SNTG2: variants seen among roughly 807,000 people sequenced by gnomAD.
SNTG2 encodes syntrophin gamma 2, also known as gamma-2-syntrophin.
Under a neutral mutation model 70.9 loss-of-function variants are expected in SNTG2, and 74 were observed. The ratio of observed to expected loss-of-function variants is 1.04; its 90% CI spans 0.86 to 1.27. The LOEUF (loss-of-function observed/expected upper bound fraction) is 1.27. Among genes scored for constraint, SNTG2 ranks in the 50% most tolerant of loss-of-function variants. SNTG2 has a pLI of 0.00. For missense variants in SNTG2, 717 were observed against 690.7 expected, an observed-to-expected ratio of 1.04 and a Z score of -0.43; for synonymous variants, 278 against 273.8, an observed-to-expected ratio of 1.02 and a Z score of -0.15.
At chr2:1,070,363 T>C (rs548118875) in intron 1 of SNTG2, among the ~76,000 whole-genome samples, 2 of 152,264 alleles carry the variant, frequency 1.3e-5, no homozygotes, top group East Asian at 3.9e-4. Flanking sequence ...CTGTGGAACT[T>C]CTCGAAGCTT....
intron 8 of SNTG2, among the ~76,000 whole-genome samples, chr2:1,196,010 G>A (rs1386759725): frequency 2.0e-5 from 3 of 152,052 alleles, no homozygotes; most frequent in Non-Finnish European, 4.4e-5. Flanking sequence ...TTTGAGTTTG[G>A]AATCTTTTTT....
At chr2:1,099,546 C>T (rs1311762559) in intron 4 of SNTG2, among the ~76,000 whole-genome samples, 1 of 50,672 alleles carries the variant, frequency 2.0e-5, no homozygotes, top group Non-Finnish European at 3.9e-5. Flanking sequence ...CTGGAGGTCC[C>T]AGGCTGGGGA....
At chr2:1,249,833 G>A (rs558658707) in intron 12 of SNTG2, among the ~76,000 whole-genome samples, 1 of 152,266 alleles carries the variant, frequency 6.6e-6, no homozygotes, top group Non-Finnish European at 1.5e-5. Context: ...GTTTTGTTTT[G>A]TTAAAATGCA....
At chr2:1,028,326 A>C (rs189356031) in intron 1 of SNTG2, among the ~76,000 whole-genome samples, 12 of 151,716 alleles carry the variant, frequency 7.9e-5, no homozygotes, top group Admixed American at 5.2e-4. Flanking sequence ...TTGAAGGTGC[A>C]TCTGACCCAC....
chr2:981,492 CAT>C (rs1241581321), intron 1 of SNTG2, among the ~76,000 whole-genome samples: 5 of 150,474 alleles, frequency 3.3e-5, no homozygotes, highest in South Asian at 4.2e-4. Context: ...CATGAGTGCA[CAT>C]GTGTCCTACA....
intron 8 of SNTG2, among the ~76,000 whole-genome samples, chr2:1,192,445 A>T (rs1195420134): frequency 2.0e-5 from 3 of 152,190 alleles, no homozygotes; most frequent in Non-Finnish European, 4.4e-5. Flanking sequence ...AGAATAGGAA[A>T]ATAACTATGT....
rs1160333340 is a variant in SNTG2, at chr2:1,136,223, TAATC to T, written c.326-1395_326-1392del. 4.0e-5 allele frequency among the ~76,000 whole-genome samples: 6 copies of T among 151,888 alleles called. No individual in the cohort carries two copies. In the South Asian group the frequency reaches 1.3e-3, roughly 32 times the overall value. The stretch of plus-strand genomic sequence containing the variant: ...CGGCTTGAGAGTCCATTATTCCAGA[TAATC>T]AATACATGTTTTCAGGATGCAGCCT... On this transcript the variant is annotated intron_variant, in intron 4 of 16. Coordinates refer to ENST00000308624, the MANE Select transcript of SNTG2 (RefSeq NM_018968.4).
intron 8 of SNTG2, among the ~76,000 whole-genome samples, chr2:1,194,321 T>C (rs75167830): frequency 0.024 from 3,640 of 152,290 alleles, 152 homozygotes; most frequent in African/African-American, 0.081. Flanking sequence ...GTTTTCCAGG[T>C]GTAGTTTACA....
rs112965571 is a variant in SNTG2, at chr2:1,365,613, G to A, written c.1489-1730G>A. On this transcript the variant is annotated intron_variant, in intron 16 of 16. Coordinates refer to ENST00000308624, the MANE Select transcript of SNTG2 (RefSeq NM_018968.4). Reference sequence around the variant, plus strand: ...TCTCCACTTGGCATTAGTGGTATTAGAACAAGCTTCAGGTATTCACTTCTC... The same window carrying A: ...TCTCCACTTGGCATTAGTGGTATTAAAACAAGCTTCAGGTATTCACTTCTC... Among the ~76,000 whole-genome samples the A allele has an allele frequency of 8.0e-3, 1,224 of 152,174 alleles. 14 individuals are homozygous for A. The highest frequency in any genetic ancestry group is 0.028 in the African/African-American group (1,160 of 41,524).
At chr2:1,308,465 GTT>G (rs1680813468) in intron 14 of SNTG2, 27 bp from the exon 15 acceptor site, 1 of 1,538,784 alleles carries the variant, frequency 6.5e-7, no homozygotes, top group African/African-American at 1.4e-5. Flanking sequence ...ATTAAAGAAT[GTT>G]TTCTCAAAAT....
intron 16 of SNTG2, among the ~76,000 whole-genome samples, chr2:1,332,136 C>A (rs1203100663): frequency 6.6e-6 from 1 of 152,194 alleles, no homozygotes; most frequent in Non-Finnish European, 1.5e-5. Flanking sequence ...ATTTGGTAAA[C>A]ATATGTCAAA....
chr2:1,289,878 C>T (rs1487921266), intron 14 of SNTG2, among the ~76,000 whole-genome samples: 3 of 152,208 alleles, frequency 2.0e-5, no homozygotes, highest in African/African-American at 7.2e-5. Context: ...TATGAGCAGA[C>T]TCGTGCAGTG....
Position 1,264,994 on chromosome 2 carries a change from A to G in SNTG2, c.1078-2371A>G, listed in dbSNP as rs116312007. Among the ~76,000 whole-genome samples, 324 of 152,344 alleles carry G rather than the reference A, an allele frequency of 2.1e-3. 1 individual carries two copies. Among genetic ancestry groups the G allele is most frequent in the African/African-American group, 7.5e-3 (313 of 41,574 alleles). The stretch of plus-strand genomic sequence containing the variant: ...TAGTAGTTAAGTTTTAGGGGAGTCA[A>G]AAGTTATGCATGAATCTTCAACTGC... On this transcript the variant is annotated intron_variant, in intron 13 of 16. Transcript: ENST00000308624.
intron 1 of SNTG2, among the ~76,000 whole-genome samples, chr2:1,022,073 G>A (rs1490421927): frequency 6.6e-6 from 1 of 151,768 alleles, no homozygotes; most frequent in African/African-American, 2.4e-5. Flanking sequence ...AGCCACTGTG[G>A]AGAAGAGTAT....
intron 1 of SNTG2, among the ~76,000 whole-genome samples, chr2:1,081,206 G>T (rs930873560): frequency 2.0e-5 from 3 of 152,222 alleles, no homozygotes; most frequent in African/African-American, 7.2e-5. Context: ...TGGCGGAGCT[G>T]GCCTTGCCTC....
At position 1,154,914 on chromosome 2, in the gene SNTG2, C is replaced by T. The variant is rs1338017074; in HGVS notation, c.412-10634C>T. On this transcript the variant is annotated intron_variant, in intron 6 of 16. Coordinates refer to ENST00000308624, the MANE Select transcript of SNTG2 (RefSeq NM_018968.4). ...CACAAAGACACATACCACATACACA[C>T]ACACAACACAAAAACATACACACCA... Among the ~76,000 whole-genome samples, 4 of 149,556 alleles carry T rather than the reference C, an allele frequency of 2.7e-5. No individual in the cohort carries two copies. In the South Asian group the frequency reaches 6.4e-4, roughly 24 times the overall value.
intron 14 of SNTG2, 39 bp from the exon 15 acceptor site, chr2:1,308,455 A>G: frequency 1.3e-6 from 2 of 1,526,140 alleles, no homozygotes; most frequent in Non-Finnish European, 1.8e-6. Flanking sequence ...AAACAGCATT[A>G]TTAAAGAATG....
chr2:1,077,792 A>G (rs573317865), intron 1 of SNTG2, among the ~76,000 whole-genome samples: 1 of 152,296 alleles, frequency 6.6e-6, no homozygotes, highest in African/African-American at 2.4e-5. Flanking sequence ...AATGAGGCAT[A>G]TGACACCCAT....
At chr2:953,347 A>C (rs985297177) in intron 1 of SNTG2, among the ~76,000 whole-genome samples, 2 of 152,234 alleles carry the variant, frequency 1.3e-5, no homozygotes, top group African/African-American at 4.8e-5. Flanking sequence ...CTGCTTTTAA[A>C]TGACAACACT....
Sources: allele counts gnomAD v4.1 joint callset (sites outside exome capture counted in the v4.1 genomes callset), GRCh38; gene constraint gnomAD v4.1.1; transcripts MANE v1.5; gene names NCBI Gene and HGNC (gene_info 2026-07-23, HGNC 2026-07-21).